Variants in NRG4 observed in about 807,000 individuals in gnomAD.
The protein encoded by NRG4 is pro-neuregulin-4, membrane-bound isoform.
A neutral mutation model predicts 15.0 loss-of-function variants in NRG4; 10 were observed. The ratio of observed to expected loss-of-function variants is 0.67; its 90% CI spans 0.41 to 1.13. The LOEUF (loss-of-function observed/expected upper bound fraction) is 1.13, where lower values mean the gene tolerates loss of function less well. Ranked by LOEUF, NRG4 falls within the 50% of genes most tolerant of loss-of-function variation. NRG4 has a pLI of 0.00. For missense variants in NRG4, 139 were observed against 140.2 expected (o/e 0.99, Z 0.04); for synonymous variants, 41 against 50.1 (o/e 0.82, Z 0.77).
At chr15:76,059,461 A>G (rs895523617) in intron 1 of NRG4, among the ~76,000 whole-genome samples, 2 of 152,274 alleles carry the variant, frequency 1.3e-5, no homozygotes, top group South Asian at 2.1e-4. Context: ...GCTGCGCCAA[A>G]GCGACGGGAG....
intron 3 of NRG4, among the ~76,000 whole-genome samples, chr15:75,995,529 A>T (rs761449205): frequency 2.0e-5 from 3 of 151,294 alleles, no homozygotes; most frequent in Non-Finnish European, 4.4e-5. Context: ...CGCCCCAAAC[A>T]CTAGGGATCA....
intron 5 of NRG4, among the ~76,000 whole-genome samples, chr15:76,026,738 A>G (rs1346284618): frequency 6.6e-6 from 1 of 152,180 alleles, no homozygotes; most frequent in Admixed American, 6.5e-5. Flanking sequence ...CAAACATAAA[A>G]ACAGAAGGAG....
At chr15:75,996,471 T>C (rs2034219620) in intron 3 of NRG4, among the ~76,000 whole-genome samples, 1 of 152,162 alleles carries the variant, frequency 6.6e-6, no homozygotes, top group Admixed American at 6.5e-5. Context: ...TAATAGAGCA[T>C]GTGTGTTTAG....
rs527769871 is a variant in NRG4 at position 75,978,592 on chromosome 15, T to C, written c.105-16618A>G. On this transcript the variant is annotated intron_variant, in intron 3 of 5. Coordinates refer to ENST00000394907, the MANE Select transcript of NRG4 (RefSeq NM_138573.4). ...GGATTGCTGGATCATATGGTGGATC[T>C]ATTTTCAGGGTTTAGAGGAACCTCC... is the stretch of plus-strand genomic sequence containing the variant. Among the ~76,000 whole-genome samples the C allele has an allele frequency of 8.4e-4, 128 of 152,332 alleles. 1 individual carries two copies. The highest frequency in any genetic ancestry group is 2.8e-3 in the African/African-American group (118 of 41,592).
intron 5 of NRG4, among the ~76,000 whole-genome samples, chr15:76,020,356 G>C (rs1488257977): frequency 6.6e-6 from 1 of 152,160 alleles, no homozygotes; most frequent in Non-Finnish European, 1.5e-5. Context: ...ATGCAGAAAG[G>C]TAAGATAGGC....
At chr15:75,936,581 CTTTT>C (rs991518574), downstream of NRG4, 1 of 146,814 alleles carries the variant, frequency 6.8e-6, no homozygotes, top group Non-Finnish European at 1.5e-5. Context: ...GGTATGGAAA[CTTTT>C]TTTTTTTTGA....
chr15:75,951,412 C>G (rs1050837148), intron 5 of NRG4, among the ~76,000 whole-genome samples: 2 of 152,022 alleles, frequency 1.3e-5, no homozygotes, highest in Admixed American at 1.3e-4. Context: ...AAGTGGTCTG[C>G]CCCCCTTGGC....
chr15:75,939,624 T>A (rs1390357535), downstream of NRG4: 1 of 152,182 alleles, frequency 6.6e-6, no homozygotes, highest in African/African-American at 2.4e-5. Context: ...TTATGATCGC[T>A]GATTCAACAA....
At chr15:76,058,089 A>C (rs568553832) in intron 1 of NRG4, among the ~76,000 whole-genome samples, 2 of 152,168 alleles carry the variant, frequency 1.3e-5, no homozygotes, top group Non-Finnish European at 2.9e-5. Context: ...AGTTCTACTA[A>C]GGTGGAAAAT....
At chr15:76,035,383 T>A (rs1384370568) in intron 5 of NRG4, among the ~76,000 whole-genome samples, 1 of 152,220 alleles carries the variant, frequency 6.6e-6, no homozygotes, top group Non-Finnish European at 1.5e-5. Context: ...AGAACAGGAT[T>A]GTTATGACTG....
chr15:75,958,819 A>G (rs1033229828), intron 4 of NRG4, among the ~76,000 whole-genome samples: 3 of 152,194 alleles, frequency 2.0e-5, no homozygotes, highest in African/African-American at 7.2e-5. Flanking sequence ...AGTCTGCAGA[A>G]CAGCTATAGC....
chr15:75,987,078 C>T (rs2033825114), intron 3 of NRG4, among the ~76,000 whole-genome samples: 1 of 152,106 alleles, frequency 6.6e-6, no homozygotes, highest in African/African-American at 2.4e-5. Context: ...CTGTTCAAAT[C>T]CTAAAGCAAT....
chr15:75,975,185 T>A (rs1306414190), intron 3 of NRG4, among the ~76,000 whole-genome samples: 1 of 152,202 alleles, frequency 6.6e-6, no homozygotes, highest in Non-Finnish European at 1.5e-5. Flanking sequence ...CTTTCTTTTT[T>A]TTCTTTCCAT....
chr15:76,005,679 G>GA (rs776504828), intron 3 of NRG4: 26,971 of 150,902 alleles, frequency 0.18, 130 homozygotes, highest in South Asian at 0.21. Flanking sequence ...CTCTGTCTCA[G>GA]AAAAAAAAAA....
intron 3 of NRG4, among the ~76,000 whole-genome samples, chr15:75,998,449 A>C (rs1310597491): frequency 6.6e-6 from 1 of 152,194 alleles, no homozygotes; most frequent in East Asian, 1.9e-4. Context: ...AGCATTCAAC[A>C]CAGGACAGAA....
downstream of NRG4, chr15:75,939,335 T>G (rs2030700184): frequency 6.6e-6 from 1 of 152,128 alleles, no homozygotes; most frequent in African/African-American, 2.4e-5. Flanking sequence ...CTCAAAGTCC[T>G]AGAAATGCAA....
chr15:75,952,086 T>C (rs1184183007), intron 5 of NRG4, among the ~76,000 whole-genome samples: 1 of 152,256 alleles, frequency 6.6e-6, no homozygotes, highest in African/African-American at 2.4e-5. Flanking sequence ...GGTTTTGAGA[T>C]ACAATCACGT....
chr15:75,946,627 G>A (rs1305825688), intron 5 of NRG4, among the ~76,000 whole-genome samples: 5 of 152,136 alleles, frequency 3.3e-5, no homozygotes, highest in African/African-American at 1.2e-4. Context: ...CCAAAGTGCT[G>A]GGATTATAGG....
chr15:75,969,773 A>G (rs1306126957), intron 3 of NRG4, among the ~76,000 whole-genome samples: 1 of 152,206 alleles, frequency 6.6e-6, no homozygotes, highest in African/African-American at 2.4e-5. Context: ...GAGAACACTA[A>G]TGAAGAATCT....
Sources: allele counts gnomAD v4.1 joint callset (sites outside exome capture counted in the v4.1 genomes callset), GRCh38; gene constraint gnomAD v4.1.1; transcripts MANE v1.5; gene names NCBI Gene and HGNC (gene_info 2026-07-23, HGNC 2026-07-21).